TENM2: variants seen among roughly 807,000 people sequenced by gnomAD.
TENM2 encodes teneurin transmembrane protein 2, also known as teneurin-2.
In TENM2, 52 loss-of-function variants were observed where a neutral mutation model predicts 245.2. The observed-to-expected ratio is 0.21, with a 90% CI of 0.17 to 0.27. The LOEUF (loss-of-function observed/expected upper bound fraction) is 0.27. Among genes scored for constraint, TENM2 ranks in the 10% least tolerant of loss-of-function variants. The pLI is 1.00. For missense variants in TENM2, 3,046 were observed against 3,666.8 expected, an observed-to-expected ratio of 0.83 and a Z score of 4.37; for synonymous variants, 1,363 against 1,438.9, an observed-to-expected ratio of 0.95 and a Z score of 1.19.
chr5:167,160,839 AC>A, the TENM2 span, among the ~76,000 whole-genome samples: 1 of 152,220 alleles, frequency 6.6e-6, no homozygotes, highest in Non-Finnish European at 1.5e-5. Flanking sequence ...AACCTAGAAC[AC>A]CAAGGAAGCT....
chr5:167,438,550 C>A (rs1764702304), intron 2 of TENM2, among the ~76,000 whole-genome samples: 2 of 151,956 alleles, frequency 1.3e-5, no homozygotes, highest in Non-Finnish European at 2.9e-5. Flanking sequence ...TGCCACCACG[C>A]CTGGCTAATT....
intron 2 of TENM2, among the ~76,000 whole-genome samples, chr5:167,407,317 T>A (rs956962310): frequency 1.3e-5 from 2 of 152,162 alleles, no homozygotes; most frequent in African/African-American, 4.8e-5. Flanking sequence ...GTTCTGCAAG[T>A]GATGGCATCT....
intron 25 of TENM2, among the ~76,000 whole-genome samples, chr5:168,230,619 G>A (rs1217556605): frequency 1.3e-5 from 2 of 151,924 alleles, no homozygotes; most frequent in African/African-American, 4.8e-5. Flanking sequence ...GGCAAGATGG[G>A]CTCTTCTCTC....
intron 5 of TENM2, among the ~76,000 whole-genome samples, chr5:168,005,738 T>G (rs942870676): frequency 6.6e-6 from 1 of 152,078 alleles, no homozygotes; most frequent in Non-Finnish European, 1.5e-5. Flanking sequence ...ATAGAAAAAA[T>G]TCTTTGTGTT....
intron 2 of TENM2, among the ~76,000 whole-genome samples, chr5:167,781,723 T>A (rs897165747): frequency 6.6e-6 from 1 of 152,192 alleles, no homozygotes; most frequent in Non-Finnish European, 1.5e-5. Flanking sequence ...TGGCCCTAAG[T>A]TTCCTTAGAA....
intron 2 of TENM2, among the ~76,000 whole-genome samples, chr5:167,578,962 C>T (rs138408569): frequency 0.011 from 1,667 of 152,274 alleles, 19 homozygotes; most frequent in Middle Eastern, 0.027. Flanking sequence ...TTCTGTAACA[C>T]GGATTTTACC....
At chr5:167,478,134 A>C (rs1261435302) in intron 2 of TENM2, among the ~76,000 whole-genome samples, 1 of 152,220 alleles carries the variant, frequency 6.6e-6, no homozygotes, top group East Asian at 1.9e-4. Context: ...GTTCTTGTAT[A>C]TCGTTGAAGG....
At chr5:167,866,264 C>T (rs2909800) in intron 2 of TENM2, among the ~76,000 whole-genome samples, 8,620 of 152,172 alleles carry the variant, frequency 0.057, 356 homozygotes, top group East Asian at 0.15. Context: ...TTTGGGAGAC[C>T]GAGGCAGGCG....
chr5:167,334,979 T>C (rs970876249), intron 1 of TENM2, among the ~76,000 whole-genome samples: 2 of 152,244 alleles, frequency 1.3e-5, no homozygotes, highest in African/African-American at 4.8e-5. Flanking sequence ...CAGGTTATCA[T>C]AAATAGGGCT....
At chr5:167,024,320 T>G in the TENM2 span, among the ~76,000 whole-genome samples, 52,774 of 152,120 alleles carry the variant, frequency 0.35, 10,160 homozygotes, top group Non-Finnish European at 0.45. Context: ...TTTTATTCAT[T>G]AAATAGTTAT....
chr5:167,665,711 C>A (rs926450451), intron 2 of TENM2, among the ~76,000 whole-genome samples: 1 of 151,976 alleles, frequency 6.6e-6, no homozygotes, highest in Non-Finnish European at 1.5e-5. Flanking sequence ...TGCCAAAAAA[C>A]AAAACAAAAA....
chr5:167,708,707 C>G (rs116722231), intron 2 of TENM2, among the ~76,000 whole-genome samples: 1,876 of 152,274 alleles, frequency 0.012, 37 homozygotes, highest in African/African-American at 0.043. Context: ...GCCTCTCCCC[C>G]TCTGCCTGCC....
intron 2 of TENM2, among the ~76,000 whole-genome samples, chr5:167,809,880 T>A (rs1019668589): frequency 2.6e-5 from 4 of 152,132 alleles, no homozygotes; most frequent in African/African-American, 7.2e-5. Context: ...AATAGGCTCT[T>A]CAAATCCAAA....
chr5:167,064,206 A>G, the TENM2 span, among the ~76,000 whole-genome samples: 1 of 152,168 alleles, frequency 6.6e-6, no homozygotes. Flanking sequence ...TGGAGTGGAT[A>G]TTTTCCGCTG....
chr5:168,073,168 T>A (rs1791172512), intron 7 of TENM2, among the ~76,000 whole-genome samples: 1 of 152,210 alleles, frequency 6.6e-6, no homozygotes, highest in Non-Finnish European at 1.5e-5. Context: ...CTGGAGCCAC[T>A]ACCGTATGTC....
chr5:167,328,346 A>G (rs1477528821), intron 1 of TENM2, among the ~76,000 whole-genome samples: 1 of 151,416 alleles, frequency 6.6e-6, no homozygotes, highest in African/African-American at 2.4e-5. Context: ...AGCTTGGACT[A>G]CAGGCACGCA....
At chr5:167,221,045 C>T in the TENM2 span, among the ~76,000 whole-genome samples, 31,710 of 151,974 alleles carry the variant, frequency 0.21, 3,911 homozygotes, top group African/African-American at 0.34. Flanking sequence ...CTAGGCTGGT[C>T]TCAAACTCTT....
intron 3 of TENM2, among the ~76,000 whole-genome samples, chr5:167,906,291 G>A (rs1170085769): frequency 6.6e-6 from 1 of 152,184 alleles, no homozygotes; most frequent in Non-Finnish European, 1.5e-5. Flanking sequence ...AATGCTCTAG[G>A]AATGCAATTA....
At chr5:167,393,789 TG>T (rs901499724) in intron 2 of TENM2, among the ~76,000 whole-genome samples, 5 of 152,168 alleles carry the variant, frequency 3.3e-5, no homozygotes, top group Admixed American at 3.3e-4. Context: ...AGGAGGCTAT[TG>T]CAGTAACCAA....
Sources: allele counts gnomAD v4.1 joint callset (sites outside exome capture counted in the v4.1 genomes callset), GRCh38; gene constraint gnomAD v4.1.1; transcripts MANE v1.5; gene names NCBI Gene and HGNC (gene_info 2026-07-23, HGNC 2026-07-21).